ZNF84: variants seen among roughly 807,000 people sequenced by gnomAD.
The protein encoded by ZNF84 is zinc finger protein 84.
ZNF84 carries 12 observed loss-of-function variants against 14.8 expected under a neutral mutation model. The ratio of observed to expected loss-of-function variants is 0.81; its 90% confidence interval spans 0.52 to 1.31. The LOEUF (loss-of-function observed/expected upper bound fraction) is 1.31. Among genes scored for constraint, ZNF84 ranks in the 50% most tolerant of loss-of-function variants. The probability of loss-of-function intolerance (pLI) is 0.00; values close to 1 mark genes in which losing one functional copy is unlikely to be tolerated. For synonymous variants in ZNF84, 347 were observed against 291.1 expected, an observed-to-expected ratio of 1.19 and a Z score of -1.96; for missense variants, 859 against 878.6, an observed-to-expected ratio of 0.98 and a Z score of 0.28.
At chr12:133,044,446 C>T (rs1166218204) in intron 2 of ZNF84, among the ~76,000 whole-genome samples, 4 of 152,194 alleles carry the variant, frequency 2.6e-5, no homozygotes, top group African/African-American at 9.6e-5. Flanking sequence ...TGAGCCAGCA[C>T]ACCTGGCCAG....
rs1954240886 is a variant in ZNF84, at chr12:133,060,449, T to C, written c.*1517T>C. 1.3e-5 allele frequency: 2 copies of C among 152,232 alleles called. No individual in the cohort carries two copies. The highest frequency in any genetic ancestry group is 1.9e-4 in the East Asian group (1 of 5,202). 9.4% of individuals were successfully genotyped at this position (152,232 alleles called of 1,614,324 possible). ...ATAAACCCATTGTAAGTTGAAAACA[T>C]TGTAAGTCAAAAATGCATTTAATAC... On this transcript the variant is annotated 3_prime_UTR_variant, in exon 5 of 5. Coordinates refer to ENST00000539354, the MANE Select transcript of ZNF84 (RefSeq NM_001289971.2).
intron 2 of ZNF84, among the ~76,000 whole-genome samples, chr12:133,043,560 G>A (rs1394244638): frequency 6.6e-6 from 1 of 152,144 alleles, no homozygotes; most frequent in South Asian, 2.1e-4. Context: ...TTCTTGATCA[G>A]CTAGAACACT....
rs1954177214 is a variant in ZNF84 at position 133,057,324 on chromosome 12, G to A, written c.609G>A (p.Gly203=). The A allele has an allele frequency of 5.0e-6, 8 of 1,613,400 alleles. No individual in the cohort carries two copies. Among genetic ancestry groups the A allele is most frequent in the Non-Finnish European group, 6.8e-6 (8 of 1,179,886 alleles). Residue 203 remains glycine (G), a synonymous_variant, in exon 5 of 5, where the codon GGG becomes GGA. Coordinates refer to ENST00000539354, the MANE Select transcript of ZNF84 (RefSeq NM_001289971.2). ...QIIIYHRNRL[G]EKLYECSECR... is the part of the protein sequence containing the mutation. Reference sequence around the variant, plus strand: ...TCATATATCATAGAAATCGTTTAGGGGAGAAACTCTATGAATGCAGTGAAT... The same window carrying A: ...TCATATATCATAGAAATCGTTTAGGAGAGAAACTCTATGAATGCAGTGAAT...
intron 2 of ZNF84, among the ~76,000 whole-genome samples, chr12:133,042,246 C>T (rs1953899994): frequency 2.6e-5 from 4 of 151,986 alleles, no homozygotes; most frequent in Admixed American, 2.6e-4. Context: ...TTCGGATATA[C>T]CAAAGAGAAG....
chr12:133,059,366 G>A lies in ZNF84; in HGVS notation c.*434G>A, dbSNP rs1169610987. 5.1e-5 allele frequency: 11 copies of A among 215,278 alleles called. No individual in the cohort carries two copies. The highest frequency in any genetic ancestry group is 1.0e-4 in the Non-Finnish European group (11 of 109,796). The allele number at this position is 215,278 out of a possible 1,614,324, so 13.3% of individuals were successfully genotyped here. A position where few individuals can be genotyped will look rare whatever the true frequency, so the allele number is the denominator to read the frequency against. ...AGTTCTATGAAAGTACTAAATATGG[G>A]ACAGTGCAACAAGTAACGAGACTAT... On this transcript the variant is annotated 3_prime_UTR_variant, in exon 5 of 5. Coordinates refer to ENST00000539354, the MANE Select transcript of ZNF84 (RefSeq NM_001289971.2).
intron 4 of ZNF84, among the ~76,000 whole-genome samples, chr12:133,052,306 G>GGA (rs150103675): frequency 3.3e-5 from 5 of 151,432 alleles, no homozygotes; most frequent in African/African-American, 7.3e-5. Flanking sequence ...GTGTGTACAT[G>GGA]GAGAGAGAGA....
At position 133,057,713 on chromosome 12, in the gene ZNF84, A is replaced by G. The variant is rs1304541825; in HGVS notation, c.998A>G (p.Asn333Ser). The change falls in exon 5 of 5, where the codon AAT becomes AGT. Residue 333 changes from asparagine (N) to serine (S), a missense_variant. Physicochemically the swap from Asn to Ser is conservative, Grantham distance 46. Coordinates refer to ENST00000539354, the MANE Select transcript of ZNF84 (RefSeq NM_001289971.2). ...ECGRAFSEKS[N>S]LINHQRIHTG... Reference sequence around the variant, plus strand: ...GGGAGGGCCTTTAGTGAAAAGTCCAATCTCATTAACCATCAGAGAATTCAT... The same window carrying G: ...GGGAGGGCCTTTAGTGAAAAGTCCAGTCTCATTAACCATCAGAGAATTCAT... 7 of 1,613,932 alleles carry G rather than the reference A, an allele frequency of 4.3e-6. No homozygotes were observed. Among genetic ancestry groups the G allele is most frequent in the East Asian group, 2.2e-5 (1 of 44,872 alleles).
At chr12:133,038,342 T>C (rs1953825239) in intron 1 of ZNF84, among the ~76,000 whole-genome samples, 1 of 152,222 alleles carries the variant, frequency 6.6e-6, no homozygotes, top group East Asian at 1.9e-4. Context: ...TCAAATGTTA[T>C]AATGATTATA....
intron 2 of ZNF84, among the ~76,000 whole-genome samples, chr12:133,044,889 G>C (rs1025842199): frequency 2.6e-5 from 4 of 151,828 alleles, no homozygotes; most frequent in African/African-American, 7.3e-5. Context: ...ACTCCAGCCT[G>C]GGCAACAGAG....
intron 1 of ZNF84, chr12:133,040,780 T>C (rs1300207910): frequency 1.3e-5 from 2 of 152,066 alleles, no homozygotes; most frequent in Non-Finnish European, 2.9e-5. Context: ...GACCAATCTC[T>C]AGTCATATTG....
chr12:133,040,439 C>CA (rs1457098597), intron 1 of ZNF84: 1 of 151,734 alleles, frequency 6.6e-6, no homozygotes, highest in Non-Finnish European at 1.5e-5. Flanking sequence ...GGCATGGAGG[C>CA]ACACAAACCT....
chr12:133,038,929 A>C (rs1042201047), intron 1 of ZNF84: 2 of 152,222 alleles, frequency 1.3e-5, no homozygotes, highest in Admixed American at 6.5e-5. Context: ...AAAAAACAAA[A>C]ACAGCTTTTA....
At chr12:133,045,675 G>A (rs1055878657) in intron 2 of ZNF84, among the ~76,000 whole-genome samples, 1 of 152,136 alleles carries the variant, frequency 6.6e-6, no homozygotes, top group South Asian at 2.1e-4. Context: ...TATCTGAATT[G>A]CTGTTCCCTT....
At position 133,061,523 on chromosome 12, in the gene ZNF84, G is replaced by A. The variant is rs371195291; in HGVS notation, c.*2591G>A. On this transcript the variant is annotated 3_prime_UTR_variant, in exon 5 of 5. Coordinates refer to ENST00000539354, the MANE Select transcript of ZNF84 (RefSeq NM_001289971.2). ...ATATCTCAAATTCATTTTACTAGAC[G>A]TGGGAGACCAACTAATGCAAATGAA... The A allele has an allele frequency of 2.1e-4, 32 of 152,262 alleles. No homozygotes were observed. Among genetic ancestry groups the A allele is most frequent in the African/African-American group, 7.5e-4 (31 of 41,554 alleles). 9.4% of individuals were successfully genotyped at this position (152,262 alleles called of 1,614,324 possible).
chr12:133,056,038 T>C (rs978467572), intron 4 of ZNF84, among the ~76,000 whole-genome samples: 3 of 152,198 alleles, frequency 2.0e-5, no homozygotes, highest in Non-Finnish European at 4.4e-5. Context: ...TTAATAGTAA[T>C]GTGAAGATGC....
intron 2 of ZNF84, among the ~76,000 whole-genome samples, chr12:133,046,554 C>G (rs893287708): frequency 6.6e-6 from 1 of 151,776 alleles, no homozygotes; most frequent in Non-Finnish European, 1.5e-5. Flanking sequence ...TCCTTTATTT[C>G]TTAGTTACTA....
intron 4 of ZNF84, among the ~76,000 whole-genome samples, 197 bp downstream of exon 4, chr12:133,049,045 T>C (rs1954031976): frequency 6.6e-6 from 1 of 152,210 alleles, no homozygotes; most frequent in African/African-American, 2.4e-5. Context: ...GGATCTCTTT[T>C]CAAAATCTCT....
chr12:133,041,447 C>T lies in ZNF84; in HGVS notation c.-21C>T. 1 of 1,613,972 alleles carries T rather than the reference C, an allele frequency of 6.2e-7. No individual in the cohort carries two copies. The highest frequency in any genetic ancestry group is 1.1e-5 in the South Asian group (1 of 91,070). On this transcript the variant is annotated 5_prime_UTR_variant, in exon 2 of 5. Coordinates refer to ENST00000539354, the MANE Select transcript of ZNF84 (RefSeq NM_001289971.2). ...TAGAACCGATCTCAGCCTTGCTGAT[C>T]ATCTCGTACAGCAGCAGAAAATGAC...
In ZNF84 at chr12:133,052,438, C is replaced by T. The variant is rs756577472; in HGVS notation, c.238+3590C>T. On this transcript the variant is annotated intron_variant, in intron 4 of 4. Coordinates refer to ENST00000539354, the MANE Select transcript of ZNF84 (RefSeq NM_001289971.2). Reference sequence around the variant, plus strand: ...GTCACTGCATCCTTAACCTCCTGGGCTCAAGTGATCCCCCCAAGCAGCTGG... The same window carrying T: ...GTCACTGCATCCTTAACCTCCTGGGTTCAAGTGATCCCCCCAAGCAGCTGG... Among the ~76,000 whole-genome samples, 153 of 152,250 alleles carry T rather than the reference C, an allele frequency of 1.0e-3. No individual in the cohort carries two copies. In the Middle Eastern group the frequency reaches 0.01, roughly 10 times the overall value.
Sources: allele counts gnomAD v4.1 joint callset (sites outside exome capture counted in the v4.1 genomes callset), GRCh38; gene constraint gnomAD v4.1.1; transcripts MANE v1.5; gene names NCBI Gene and HGNC (gene_info 2026-07-23, HGNC 2026-07-21).